Variants in UBLCP1 observed in about 807,000 individuals in gnomAD.
UBLCP1 encodes the protein ubiquitin-like domain-containing CTD phosphatase 1.
Under a neutral mutation model 42.4 loss-of-function variants are expected in UBLCP1, and 28 were observed. That is an observed-to-expected ratio of 0.66 (90% confidence interval 0.49 to 0.90). The LOEUF is 0.90. UBLCP1 is among the 40% of genes least tolerant of loss of function. UBLCP1 has a pLI of 0.00. For missense variants in UBLCP1, 279 were observed against 374.5 expected (o/e 0.75, Z 2.10); for synonymous variants, 122 against 120.8 (o/e 1.01, Z -0.07).
intron 5 of UBLCP1, among the ~76,000 whole-genome samples, chr5:159,271,490 A>G (rs1753467073): frequency 6.6e-6 from 1 of 152,188 alleles, no homozygotes. Flanking sequence ...TTTTGTGTTC[A>G]TTGAAAAAGA....
chr5:159,283,240 A>C lies in UBLCP1; in HGVS notation c.830A>C (p.Asn277Thr). 4.4e-6 allele frequency: 7 copies of C among 1,607,438 alleles called. No homozygotes were observed. Among genetic ancestry groups the C allele is most frequent in the Non-Finnish European group, 5.9e-6 (7 of 1,177,512 alleles). The change falls in exon 10 of 11, where the codon AAT becomes ACT. Residue 277 changes from asparagine to threonine, a missense_variant. Coordinates refer to ENST00000296786, the MANE Select transcript of UBLCP1 (RefSeq NM_145049.5). Reference protein sequence around the residue: ...KIRPFMKAHLNRDKDKELLKL... With the variant: ...KIRPFMKAHLTRDKDKELLKL... ...AGGCCTTTTATGAAAGCGCACCTAAATCGTGATAAAGACAAAGAACTTTTA... is the reference window on the plus strand; with the variant it reads ...AGGCCTTTTATGAAAGCGCACCTAACTCGTGATAAAGACAAAGAACTTTTA...
At chr5:159,268,830 G>GT in intron 1 of UBLCP1, 40 bp from the exon 2 acceptor site, 1 of 1,429,340 alleles carries the variant, frequency 7.0e-7, no homozygotes, top group African/African-American at 1.5e-5. Flanking sequence ...TCAATAAACA[G>GT]TATCTATTTT....
chr5:159,270,001 T>G lies in UBLCP1; in HGVS notation c.246+2T>G, dbSNP rs193276462. ...ATGGGAACTCGTGAGGAGAGCTTGG[T>G]AAATGTTTACTTTTTGTTACCATTT... is the stretch of plus-strand genomic sequence containing the variant. On this transcript the variant is annotated splice_donor_variant, in intron 3 of 10. Transcript: ENST00000296786. LOFTEE classifies it high-confidence loss of function. The G allele has an allele frequency of 1.2e-6, 2 of 1,607,080 alleles. No individual in the cohort carries two copies.
intron 1 of UBLCP1, among the ~76,000 whole-genome samples, chr5:159,265,294 G>T (rs1471297657): frequency 6.6e-6 from 1 of 152,184 alleles, no homozygotes; most frequent in Non-Finnish European, 1.5e-5. Flanking sequence ...CCTAATAGTT[G>T]CATGAAGAGT....
chr5:159,276,542 T>C (rs1406098633), intron 8 of UBLCP1, among the ~76,000 whole-genome samples: 2 of 152,206 alleles, frequency 1.3e-5, no homozygotes, highest in South Asian at 2.1e-4. Context: ...TAAACATGTT[T>C]TATAACAGTG....
chr5:159,268,437 A>G (rs551409132), intron 1 of UBLCP1, among the ~76,000 whole-genome samples: 1 of 152,378 alleles, frequency 6.6e-6, no homozygotes, highest in Non-Finnish European at 1.5e-5. Flanking sequence ...TCTCAAAGTC[A>G]GATGGCTAAG....
rs1032457805 is a variant in UBLCP1, at chr5:159,285,328, A to G, written c.*397A>G. ...TTTTGTGTTTTTGTCTCATTGTGTT[A>G]TTGTCTGACTAAATCTAAAACCAAA... On this transcript the variant is annotated 3_prime_UTR_variant, in exon 11 of 11. Transcript: ENST00000296786. The G allele has an allele frequency of 6.4e-6, 1 of 156,758 alleles. No homozygotes were observed. Among genetic ancestry groups the G allele is most frequent in the African/African-American group, 2.4e-5 (1 of 41,032 alleles). The allele number at this position is 156,758 out of a possible 1,614,324, so 9.7% of individuals were successfully genotyped here. A position where few individuals can be genotyped will look rare whatever the true frequency, so the allele number is the denominator to read the frequency against.
At chr5:159,270,679 C>G (rs1415739385) in intron 5 of UBLCP1, 36 bp downstream of exon 5, 2 of 1,295,082 alleles carry the variant, frequency 1.5e-6, no homozygotes, top group South Asian at 1.5e-5. Flanking sequence ...TTTTCTGTTA[C>G]CCACAACAAC....
chr5:159,280,082 A>G (rs1753590547), intron 9 of UBLCP1, among the ~76,000 whole-genome samples: 1 of 152,178 alleles, frequency 6.6e-6, no homozygotes, highest in Admixed American at 6.5e-5. Context: ...TGTACTCAGT[A>G]GACCCACTGA....
intron 1 of UBLCP1, among the ~76,000 whole-genome samples, chr5:159,267,385 C>G (rs1753412429): frequency 6.6e-6 from 1 of 152,218 alleles, no homozygotes; most frequent in Non-Finnish European, 1.5e-5. Context: ...TATATTTACT[C>G]AATACCTGTA....
In UBLCP1 at chr5:159,268,999, C is replaced by T; in HGVS notation, c.84C>T (p.Leu28=). The change falls in exon 2 of 11, where the codon CTC becomes CTT. Residue 28 remains leucine (L), a synonymous_variant. Transcript: ENST00000296786. Reference sequence around the variant, plus strand: ...CAGAAGATGATACTGTGCTCGATCTCAAACAGTTTCTCAAGACCCTTACAG... The same window carrying T: ...CAGAAGATGATACTGTGCTCGATCTTAAACAGTTTCTCAAGACCCTTACAG... The part of the protein sequence containing the change: ...TLSEDDTVLD[L]KQFLKTLTGV... 1 of 1,611,476 alleles carries T rather than the reference C, an allele frequency of 6.2e-7. No homozygotes were observed. Among genetic ancestry groups the T allele is most frequent in the Non-Finnish European group, 8.5e-7 (1 of 1,179,020 alleles).
chr5:159,270,682 A>G (rs747554626), intron 5 of UBLCP1, 39 bp downstream of exon 5: 13 of 1,289,394 alleles, frequency 1.0e-5, no homozygotes, highest in Non-Finnish European at 1.3e-5. Context: ...TCTGTTACCC[A>G]CAACAACTCT....
At chr5:159,269,692 T>C (rs1453807423) in intron 2 of UBLCP1, among the ~76,000 whole-genome samples, 1 of 152,196 alleles carries the variant, frequency 6.6e-6, no homozygotes, top group African/African-American at 2.4e-5. Flanking sequence ...TAACATAGAA[T>C]TGGGGAGAAA....
intron 5 of UBLCP1, 61 bp downstream of exon 5, chr5:159,270,704 CTTTGT>C (rs1753454212): frequency 3.9e-6 from 4 of 1,019,670 alleles, no homozygotes; most frequent in African/African-American, 1.7e-5. Context: ...TTTTTCTTTT[CTTTGT>C]TTTTTTTTTT....
chr5:159,272,459 G>T (rs1753480513), intron 6 of UBLCP1, among the ~76,000 whole-genome samples: 1 of 149,130 alleles, frequency 6.7e-6, no homozygotes, highest in South Asian at 2.1e-4. Flanking sequence ...TCGCTGTGTT[G>T]CCCAGACTGG....
At chr5:159,281,786 G>T (rs1188210800) in intron 9 of UBLCP1, among the ~76,000 whole-genome samples, 1 of 151,716 alleles carries the variant, frequency 6.6e-6, no homozygotes, top group African/African-American at 2.4e-5. Context: ...CATTGTTCTT[G>T]CTTCTCAGTA....
intron 9 of UBLCP1, among the ~76,000 whole-genome samples, chr5:159,282,104 A>T (rs1401023917): frequency 6.6e-6 from 1 of 152,152 alleles, no homozygotes; most frequent in Non-Finnish European, 1.5e-5. Context: ...TAATTCATGG[A>T]TGGTTATTGT....
In UBLCP1 at chr5:159,270,020, A is replaced by G. The variant is rs1409611270; in HGVS notation, c.246+21A>G. The G allele has an allele frequency of 3.2e-6, 5 of 1,576,582 alleles. No homozygotes were observed. The Admixed American group carries it at 8.6e-5, about 27-fold the overall frequency. On this transcript the variant is annotated intron_variant, in intron 3 of 10. Coordinates refer to ENST00000296786, the MANE Select transcript of UBLCP1 (RefSeq NM_145049.5). The stretch of plus-strand genomic sequence containing the variant: ...GCTTGGTAAATGTTTACTTTTTGTT[A>G]CCATTTGTCCATTTGAAGATATTAT...
chr5:159,276,991 G>A (rs533628788), intron 8 of UBLCP1, among the ~76,000 whole-genome samples: 1 of 152,016 alleles, frequency 6.6e-6, no homozygotes, highest in South Asian at 2.1e-4. Context: ...TGTGTTTTGG[G>A]GAACATAGGT....
Sources: gnomAD v4.1 joint callset for allele counts (sites outside exome capture counted in the v4.1 genomes callset) on GRCh38, gnomAD v4.1.1 for gene constraint, MANE v1.5 for transcripts, NCBI Gene and HGNC (gene_info 2026-07-23, HGNC 2026-07-21) for gene names.